Variants in PSMA6 observed in about 807,000 individuals in gnomAD.
The protein encoded by PSMA6 is proteasome 20S subunit alpha 6, also known as proteasome subunit alpha type-6.
For missense variants in PSMA6, 170 were observed against 294.8 expected (o/e 0.58, Z 3.10); for synonymous variants, 88 against 97.7 (o/e 0.90, Z 0.59).
In PSMA6 at chr14:35,285,356, A is replaced by AAAAC. The variant is rs1555335397; in HGVS notation, c.19+6641_19+6642insCAAA. ...CTCTATCTCAAAAAAAACAAAAAAC[A>AAAAC]AAAAAAAAAACCGTAGCACACTCTT... On this transcript the variant is annotated intron_variant, in intron 1 of 6. Coordinates refer to the PSMA6 transcript ENST00000540871. Among the ~76,000 whole-genome samples the AAAAC allele has an allele frequency of 2.9e-3, 20 of 6,812 alleles. No individual in the cohort carries two copies. The Non-Finnish European group carries it at 0.07, about 24-fold the overall frequency. 4.5% of individuals were successfully genotyped at this position (6,812 alleles called of 152,430 possible).
At chr14:35,287,629 G>A (rs139406661), upstream of PSMA6, among the ~76,000 whole-genome samples, 8 of 152,194 alleles carry the variant, frequency 5.3e-5, no homozygotes, top group East Asian at 7.7e-4. Flanking sequence ...CTTGCCAAAC[G>A]GAGGCCCCCA....
chr14:35,285,821 C>T (rs562114713), intron 1 of PSMA6, among the ~76,000 whole-genome samples: 1 of 152,324 alleles, frequency 6.6e-6, no homozygotes, highest in African/African-American at 2.4e-5. Flanking sequence ...GCAGTTCCAT[C>T]CCCCATCAAC....
intron 1 of PSMA6, among the ~76,000 whole-genome samples, chr14:35,280,860 G>A (rs1230217920): frequency 3.3e-5 from 5 of 152,170 alleles, no homozygotes; most frequent in African/African-American, 4.8e-5. Flanking sequence ...CCAAGTAGCC[G>A]GGATTACAGG....
intron 2 of PSMA6, 58 bp downstream of exon 2, chr14:35,308,146 G>T: frequency 6.3e-7 from 1 of 1,591,144 alleles, no homozygotes; most frequent in East Asian, 2.3e-5. Flanking sequence ...TTTCAGCCAA[G>T]TGCAGTGGCT....
chr14:35,293,680 C>T (rs2051530248), intron 1 of PSMA6, among the ~76,000 whole-genome samples: 1 of 152,028 alleles, frequency 6.6e-6, no homozygotes, highest in South Asian at 2.1e-4. Flanking sequence ...ATTCAGTAGC[C>T]CTTTTAATTT....
chr14:35,285,080 C>T (rs527596541), intron 1 of PSMA6, among the ~76,000 whole-genome samples: 37 of 152,026 alleles, frequency 2.4e-4, no homozygotes, highest in Admixed American at 2.3e-3. Context: ...GAGTCAGGTG[C>T]GATGACTGTA....
intron 1 of PSMA6, among the ~76,000 whole-genome samples, chr14:35,280,356 A>C (rs575865880): frequency 6.7e-6 from 1 of 148,464 alleles, no homozygotes; most frequent in Non-Finnish European, 1.5e-5. Context: ...CTCCATCCAC[A>C]TTTTGGTCTC....
intron 1 of PSMA6, among the ~76,000 whole-genome samples, chr14:35,298,683 C>G (rs969609602): frequency 6.6e-6 from 1 of 151,936 alleles, no homozygotes; most frequent in African/African-American, 2.4e-5. Flanking sequence ...AAATAAATAT[C>G]ATTTTAAAAT....
intron 1 of PSMA6, among the ~76,000 whole-genome samples, chr14:35,280,271 C>G (rs2051352741): frequency 6.6e-6 from 1 of 152,164 alleles, no homozygotes. Context: ...AAAACCCTGT[C>G]TCTACTAAAA....
At chr14:35,309,216 C>T (rs1311949894) in intron 3 of PSMA6, among the ~76,000 whole-genome samples, 2 of 152,118 alleles carry the variant, frequency 1.3e-5, no homozygotes, top group Non-Finnish European at 2.9e-5. Flanking sequence ...ATGCTGCTGT[C>T]GGAGAAACTG....
rs10139984 is a variant in PSMA6, at chr14:35,285,317, G to A, written c.19+6599G>A. Among the ~76,000 whole-genome samples the A allele has an allele frequency of 2.1e-3, 304 of 144,558 alleles. 1 individual carries two copies. Among genetic ancestry groups the A allele is most frequent in the African/African-American group, 7.6e-3 (285 of 37,342 alleles). The allele number at this position is 144,558 out of a possible 152,430, so 94.8% of individuals were successfully genotyped here. ...ATCGTGCCACTGCACTCTAGCCAGA[G>A]TGACAGAGCAAAACTCTATCTCAAA... On this transcript the variant is annotated intron_variant, in intron 1 of 6. Transcript: ENST00000540871.
At chr14:35,291,991 C>G (rs1229744618), upstream of PSMA6, among the ~76,000 whole-genome samples, 4 of 152,088 alleles carry the variant, frequency 2.6e-5, no homozygotes, top group South Asian at 2.1e-4. Context: ...CTGTTTCCCC[C>G]GTAATAGGAA....
chr14:35,289,915 CAAAAAAA>C (rs750610944), upstream of PSMA6, among the ~76,000 whole-genome samples: 20 of 79,650 alleles, frequency 2.5e-4, no homozygotes, highest in African/African-American at 6.0e-4. Context: ...TACCGCATTT[CAAAAAAA>C]AAAAAAAAAA....
chr14:35,284,822 T>G (rs2051403569), intron 1 of PSMA6, among the ~76,000 whole-genome samples: 1 of 152,222 alleles, frequency 6.6e-6, no homozygotes, highest in Non-Finnish European at 1.5e-5. Context: ...ATTAAAGGTT[T>G]ATTCATTAGA....
chr14:35,292,148 T>C (rs1190000278), upstream of PSMA6, among the ~76,000 whole-genome samples: 1 of 152,234 alleles, frequency 6.6e-6, no homozygotes, highest in East Asian at 1.9e-4. Context: ...AGGAAGCCTT[T>C]TCGTCCTTGC....
chr14:35,291,128 A>G (rs1465413743), upstream of PSMA6, among the ~76,000 whole-genome samples: 1 of 151,656 alleles, frequency 6.6e-6, no homozygotes, highest in East Asian at 1.9e-4. Context: ...AGTAGCTGGG[A>G]CTACTGGCGC....
intron 1 of PSMA6, among the ~76,000 whole-genome samples, chr14:35,283,590 C>G (rs1480426378): frequency 1.4e-5 from 2 of 141,294 alleles, no homozygotes; most frequent in African/African-American, 2.7e-5. Flanking sequence ...GGGTCTCACT[C>G]TGTTGCCCAG....
rs570049224 is a variant in PSMA6 at position 35,279,209 on chromosome 14, G to A, written c.19+491G>A. ...ATTACAGGCATGTGCCACTATGCCC[G>A]GCTAATTTTGTATTTTTAGTAGAGA... On this transcript the variant is annotated intron_variant, in intron 1 of 6. Coordinates refer to the PSMA6 transcript ENST00000540871. Among the ~76,000 whole-genome samples the A allele has an allele frequency of 9.2e-5, 14 of 152,104 alleles. No individual in the cohort carries two copies. In the South Asian group the frequency reaches 2.9e-3, roughly 32 times the overall value.
At chr14:35,306,418 T>C (rs1451699606) in intron 1 of PSMA6, among the ~76,000 whole-genome samples, 1 of 151,274 alleles carries the variant, frequency 6.6e-6, no homozygotes, top group African/African-American at 2.4e-5. Context: ...AAAAGAAAAA[T>C]TTGGGCCAGG....
Sources: gnomAD v4.1 joint callset for allele counts (sites outside exome capture counted in the v4.1 genomes callset) on GRCh38, gnomAD v4.1.1 for gene constraint, MANE v1.5 for transcripts, NCBI Gene and HGNC (gene_info 2026-07-23, HGNC 2026-07-21) for gene names.